Variants in CTNNA3 observed in about 807,000 individuals in gnomAD.
CTNNA3 encodes the protein catenin alpha-3.
In CTNNA3, 76 loss-of-function variants were observed where a neutral mutation model predicts 95.7. The ratio of observed to expected loss-of-function variants is 0.79; its 90% CI spans 0.66 to 0.96. The LOEUF (loss-of-function observed/expected upper bound fraction) is 0.96, where lower values mean the gene tolerates loss of function less well. Ranked by LOEUF, CTNNA3 falls within the 40% of genes least tolerant of loss-of-function variation. CTNNA3 has a pLI of 0.00. For synonymous variants in CTNNA3, 431 were observed against 374.4 expected (o/e 1.15, Z -1.74); for missense variants, 1,191 against 1,089.8 (o/e 1.09, Z -1.31).
At chr10:66,781,206 G>T (rs932751108) in intron 7 of CTNNA3, among the ~76,000 whole-genome samples, 2 of 148,932 alleles carry the variant, frequency 1.3e-5, no homozygotes, top group African/African-American at 5.2e-5. Flanking sequence ...AATGTTTTTT[G>T]TTGTTGTTTT....
intron 7 of CTNNA3, among the ~76,000 whole-genome samples, chr10:66,813,648 T>C (rs1173674910): frequency 6.6e-6 from 1 of 152,204 alleles, no homozygotes; most frequent in African/African-American, 2.4e-5. Context: ...CCAAATACTG[T>C]ACTGGGAATG....
At chr10:67,697,520 C>T (rs912554900), upstream of CTNNA3, among the ~76,000 whole-genome samples, 4 of 152,284 alleles carry the variant, frequency 2.6e-5, no homozygotes, top group African/African-American at 7.2e-5. Flanking sequence ...TACTTACCTG[C>T]CCTGTACCTC....
rs533451950 is a variant in CTNNA3, at chr10:67,475,334, T to C, written c.579+46508A>G. Among the ~76,000 whole-genome samples, 7 of 152,342 alleles carry C rather than the reference T, an allele frequency of 4.6e-5. No homozygotes were observed. The South Asian group carries it at 1.4e-3, about 32-fold the overall frequency. On this transcript the variant is annotated intron_variant, in intron 5 of 17. Transcript: ENST00000433211. ...GTAGAACTGTTCCATATTTTTATTG[T>C]GGTGGTAGATACACAACTGTATGCA...
At chr10:66,366,658 G>C (rs4630185) in intron 12 of CTNNA3, among the ~76,000 whole-genome samples, 54,996 of 151,962 alleles carry the variant, frequency 0.36, 11,380 homozygotes, top group Non-Finnish European at 0.47. Flanking sequence ...CCAGAACTGT[G>C]AGCAATAAAT....
chr10:66,928,308 G>T, intron 7 of CTNNA3: 1 of 1,614,160 alleles, frequency 6.2e-7, no homozygotes, highest in Non-Finnish European at 8.5e-7. Context: ...ACAGGAAAAA[G>T]AAAAGACAGT....
intron 10 of CTNNA3, among the ~76,000 whole-genome samples, chr10:66,583,302 G>C (rs200424044): frequency 7.7e-4 from 1 of 1,302 alleles, no homozygotes; most frequent in African/African-American, 7.8e-3. Flanking sequence ...TTTGGTTTTT[G>C]TTGTTGTTGT....
rs371020152 is a variant in CTNNA3, at chr10:67,268,393, A to G, written c.580-48523T>C. Among the ~76,000 whole-genome samples the G allele has an allele frequency of 2.3e-3, 343 of 151,726 alleles. 16 individuals carry two copies. The South Asian group carries it at 0.068, about 30-fold the overall frequency. On this transcript the variant is annotated intron_variant, in intron 5 of 17. Coordinates refer to ENST00000433211, the MANE Select transcript of CTNNA3 (RefSeq NM_013266.4). The stretch of plus-strand genomic sequence containing the variant: ...AAAAATCAGCCGTTAGCGGCGGCTC[A>G]TGCCTGTAGTGCCAGCTACTTGGCC...
At chr10:66,337,337 C>T (rs957401138) in intron 12 of CTNNA3, among the ~76,000 whole-genome samples, 24 of 152,162 alleles carry the variant, frequency 1.6e-4, no homozygotes, top group South Asian at 6.2e-4. Flanking sequence ...GCATCTCAAA[C>T]GGATAAGTAC....
At chr10:67,384,521 G>T (rs1360595684) in intron 5 of CTNNA3, among the ~76,000 whole-genome samples, 2 of 152,164 alleles carry the variant, frequency 1.3e-5, no homozygotes, top group Non-Finnish European at 2.9e-5. Context: ...CATTCTTCTA[G>T]ATTCCCACTA....
intron 5 of CTNNA3, among the ~76,000 whole-genome samples, chr10:67,489,788 T>TTATATATA (rs372899542): frequency 9.6e-4 from 137 of 142,456 alleles, no homozygotes; most frequent in African/African-American, 3.1e-3. Context: ...ATACATGATT[T>TTATATATA]TATATATATA....
intron 5 of CTNNA3, among the ~76,000 whole-genome samples, chr10:67,245,122 C>T (rs914392546): frequency 2.6e-5 from 4 of 152,130 alleles, no homozygotes; most frequent in Non-Finnish European, 5.9e-5. Flanking sequence ...CTTACCCTGA[C>T]CAGCTCCATG....
chr10:66,704,986 G>C (rs538995738), intron 9 of CTNNA3, among the ~76,000 whole-genome samples: 1 of 152,036 alleles, frequency 6.6e-6, no homozygotes, highest in African/African-American at 2.4e-5. Context: ...TCTTATTCTT[G>C]ATCTTAAAGT....
rs570002808 is a variant in CTNNA3 at position 66,103,679 on chromosome 10, C to T, written c.1885-430G>A. On this transcript the variant is annotated intron_variant, in intron 13 of 17. Coordinates refer to ENST00000433211, the MANE Select transcript of CTNNA3 (RefSeq NM_013266.4). ...CATGAAATGTCTGCAATTGGCAAATCTATAGCAATAGAGATTTAATTAGTG... is the reference window on the plus strand; with the variant it reads ...CATGAAATGTCTGCAATTGGCAAATTTATAGCAATAGAGATTTAATTAGTG... Among the ~76,000 whole-genome samples, 29 of 152,150 alleles carry T rather than the reference C, an allele frequency of 1.9e-4. No homozygotes were observed. The South Asian group carries it at 4.8e-3, about 25-fold the overall frequency.
intron 10 of CTNNA3, among the ~76,000 whole-genome samples, chr10:66,615,098 C>G (rs149385901): frequency 6.0e-4 from 91 of 152,100 alleles, no homozygotes; most frequent in African/African-American, 2.2e-3. Flanking sequence ...ACAACTTATT[C>G]TTTTTCTGCC....
At chr10:66,816,532 A>C (rs553508284) in intron 7 of CTNNA3, among the ~76,000 whole-genome samples, 1 of 152,232 alleles carries the variant, frequency 6.6e-6, no homozygotes, top group African/African-American at 2.4e-5. Flanking sequence ...CATGAGGAAA[A>C]ACTGACAGTA....
At chr10:66,188,762 G>A (rs910332073) in intron 13 of CTNNA3, among the ~76,000 whole-genome samples, 7 of 151,856 alleles carry the variant, frequency 4.6e-5, no homozygotes, top group African/African-American at 9.7e-5. Context: ...CAGATTGCTC[G>A]GTCATATTGT....
intron 5 of CTNNA3, among the ~76,000 whole-genome samples, chr10:67,409,475 TA>T (rs2132833527): frequency 6.6e-6 from 1 of 151,984 alleles, no homozygotes; most frequent in African/African-American, 2.4e-5. Context: ...CTCAGCAAAC[TA>T]ATGCAGGAAC....
At chr10:67,669,973 C>A (rs1485098097) in intron 1 of CTNNA3, among the ~76,000 whole-genome samples, 1 of 152,176 alleles carries the variant, frequency 6.6e-6, no homozygotes, top group Non-Finnish European at 1.5e-5. Flanking sequence ...AAAGTTGCAA[C>A]ATGCTTAATA....
chr10:66,322,994 C>G (rs2092209267), intron 12 of CTNNA3, among the ~76,000 whole-genome samples: 1 of 151,750 alleles, frequency 6.6e-6, no homozygotes, highest in Non-Finnish European at 1.5e-5. Flanking sequence ...TTGAACTGTG[C>G]ATCATAAATC....
Sources: gnomAD v4.1 joint callset for allele counts (sites outside exome capture counted in the v4.1 genomes callset) on GRCh38, gnomAD v4.1.1 for gene constraint, MANE v1.5 for transcripts, NCBI Gene and HGNC (gene_info 2026-07-23, HGNC 2026-07-21) for gene names.